EYS: variants seen among roughly 807,000 people sequenced by gnomAD.
EYS encodes EGF-like photoreceptor maintenance factor.
EYS carries 250 observed loss-of-function variants against 282.1 expected under a neutral mutation model. The ratio of observed to expected loss-of-function variants is 0.89; its 90% confidence interval spans 0.80 to 0.98. The LOEUF (loss-of-function observed/expected upper bound fraction) is 0.98, where lower values mean the gene tolerates loss of function less well. Ranked by LOEUF, EYS falls within the 50% of genes least tolerant of loss-of-function variation. The pLI, the probability that EYS is intolerant of heterozygous loss-of-function variation, is 0.00. For missense variants in EYS, 4,016 were observed against 3,709.0 expected, an observed-to-expected ratio of 1.08 and a Z score of -2.15; for synonymous variants, 1,355 against 1,282.9, an observed-to-expected ratio of 1.06 and a Z score of -1.20.
At chr6:65,244,644 C>A (rs1213448335) in intron 12 of EYS, among the ~76,000 whole-genome samples, 1 of 151,446 alleles carries the variant, frequency 6.6e-6, no homozygotes. Flanking sequence ...TCCGGAGTGG[C>A]TGGGACTACA....
intron 30 of EYS, among the ~76,000 whole-genome samples, chr6:64,278,579 AT>A (rs1212356319): frequency 6.6e-6 from 1 of 152,192 alleles, no homozygotes; most frequent in East Asian, 1.9e-4. Flanking sequence ...CTACTAAAAT[AT>A]TTCACTGCCT....
intron 26 of EYS, among the ~76,000 whole-genome samples, chr6:64,562,910 C>T (rs1765444819): frequency 6.6e-6 from 1 of 151,832 alleles, no homozygotes; most frequent in Non-Finnish European, 1.5e-5. Flanking sequence ...CATTTGGTTG[C>T]AGACAAATGA....
Position 64,032,041 on chromosome 6 carries a change from G to C in EYS, c.6726-32858C>G, listed in dbSNP as rs994139567. On this transcript the variant is annotated intron_variant, in intron 33 of 42. Transcript: ENST00000503581. ...TATGAGCTTTAACACTCACCACGAA[G>C]GTCTGCAGCTTCACCCCTGAAGCCA... Among the ~76,000 whole-genome samples, 16 of 152,138 alleles carry C rather than the reference G, an allele frequency of 1.1e-4. No individual in the cohort carries two copies. In the Middle Eastern group the frequency reaches 0.01, roughly 97 times the overall value.
intron 31 of EYS, among the ~76,000 whole-genome samples, chr6:64,093,936 A>T (rs1396105672): frequency 6.6e-6 from 1 of 152,080 alleles, no homozygotes; most frequent in African/African-American, 2.4e-5. Flanking sequence ...CCCATCAATA[A>T]CTACTTTATT....
chr6:64,198,228 A>C (rs1253297344), intron 31 of EYS, among the ~76,000 whole-genome samples: 1 of 148,574 alleles, frequency 6.7e-6, no homozygotes, highest in East Asian at 2.0e-4. Flanking sequence ...AGGATGGTCT[A>C]GATCTCCTGA....
At chr6:64,640,506 G>A (rs1261891789) in intron 22 of EYS, among the ~76,000 whole-genome samples, 1 of 151,502 alleles carries the variant, frequency 6.6e-6, no homozygotes, top group Non-Finnish European at 1.5e-5. Flanking sequence ...ACTCATAGAT[G>A]GGAATCGAAC....
At chr6:64,432,784 C>G (rs1380788294) in intron 28 of EYS, among the ~76,000 whole-genome samples, 1 of 151,936 alleles carries the variant, frequency 6.6e-6, no homozygotes, top group African/African-American at 2.4e-5. Context: ...GTGACAAATG[C>G]TCACCCATTT....
intron 26 of EYS, among the ~76,000 whole-genome samples, chr6:64,554,011 T>A (rs1431554857): frequency 3.3e-5 from 5 of 152,132 alleles, no homozygotes; most frequent in Non-Finnish European, 7.4e-5. Flanking sequence ...ACTTTTAAAA[T>A]ATTTTCTGTG....
At chr6:65,010,028 C>T (rs570576245) in intron 13 of EYS, among the ~76,000 whole-genome samples, 79 of 152,308 alleles carry the variant, frequency 5.2e-4, no homozygotes, top group African/African-American at 1.8e-3. Flanking sequence ...AAGATGGACA[C>T]CTGAATCAGA....
chr6:63,954,201 C>A lies in EYS; in HGVS notation c.7055+30182G>T, dbSNP rs370489720. Among the ~76,000 whole-genome samples, 26 of 152,184 alleles carry A rather than the reference C, an allele frequency of 1.7e-4. 1 individual carries two copies. Among genetic ancestry groups the A allele is most frequent in the African/African-American group, 6.0e-4 (25 of 41,442 alleles). ...TCACTCCATTTCCCCATATTTCCTT[C>A]TTTCCTTTTCCTCACCCTGATCACA... is the stretch of plus-strand genomic sequence containing the variant. On this transcript the variant is annotated intron_variant, in intron 35 of 42. Transcript: ENST00000503581.
At chr6:64,748,320 C>G (rs1027473676) in intron 22 of EYS, among the ~76,000 whole-genome samples, 1 of 152,130 alleles carries the variant, frequency 6.6e-6, no homozygotes, top group African/African-American at 2.4e-5. Context: ...TTTTTGGCAC[C>G]AGCGACCAGC....
chr6:64,700,823 C>T (rs770479098), intron 22 of EYS, among the ~76,000 whole-genome samples: 2 of 151,940 alleles, frequency 1.3e-5, no homozygotes, highest in Non-Finnish European at 2.9e-5. Flanking sequence ...AGATTTATGA[C>T]ATTCCTTTCA....
chr6:64,452,855 A>C (rs1775409696), intron 26 of EYS, among the ~76,000 whole-genome samples: 1 of 152,206 alleles, frequency 6.6e-6, no homozygotes, highest in African/African-American at 2.4e-5. Flanking sequence ...TACAAAAATT[A>C]ATTCAAGATG....
At chr6:64,020,144 T>C (rs1769118658) in intron 33 of EYS, among the ~76,000 whole-genome samples, 1 of 152,234 alleles carries the variant, frequency 6.6e-6, no homozygotes, top group African/African-American at 2.4e-5. Flanking sequence ...GAATTCTTGT[T>C]TGATAGCAGA....
At chr6:65,646,949 C>A (rs189926326) in intron 1 of EYS, among the ~76,000 whole-genome samples, 2 of 150,720 alleles carry the variant, frequency 1.3e-5, no homozygotes, top group African/African-American at 5.0e-5. Flanking sequence ...CAAAAAATAC[C>A]TAACCAAGAA....
intron 19 of EYS, among the ~76,000 whole-genome samples, chr6:64,862,711 G>A (rs1007323220): frequency 2.6e-5 from 4 of 151,674 alleles, no homozygotes; most frequent in African/African-American, 9.7e-5. Context: ...TATTTTTACT[G>A]AATGCCAGGC....
At chr6:63,864,101 T>G (rs1359370628) in intron 36 of EYS, 85 bp downstream of exon 36, 9 of 1,236,610 alleles carry the variant, frequency 7.3e-6, no homozygotes, top group Non-Finnish European at 9.7e-6. Flanking sequence ...ATCAGTCAAG[T>G]GCTATCCTTG....
At chr6:64,504,305 A>T (rs191290654) in intron 26 of EYS, among the ~76,000 whole-genome samples, 1 of 152,314 alleles carries the variant, frequency 6.6e-6, no homozygotes, top group Admixed American at 6.5e-5. Context: ...TAAAATTAGG[A>T]TATTTGAAAA....
chr6:65,041,848 C>T (rs1351719866), intron 13 of EYS, among the ~76,000 whole-genome samples: 1 of 151,596 alleles, frequency 6.6e-6, no homozygotes, highest in African/African-American at 2.4e-5. Context: ...GTACAAATTT[C>T]CTCACTGATC....
Sources: allele counts gnomAD v4.1 joint callset (sites outside exome capture counted in the v4.1 genomes callset), GRCh38; gene constraint gnomAD v4.1.1; transcripts MANE v1.5; gene names NCBI Gene and HGNC (gene_info 2026-07-23, HGNC 2026-07-21).